The following GOLM2 variants were observed in gnomAD, a reference collection of about 807,000 sequenced individuals.
GOLM2 encodes the protein golgi membrane protein 2.
GOLM2 carries 26 observed loss-of-function variants against 55.9 expected under a neutral mutation model. The observed-to-expected ratio is 0.47, with a 90% confidence interval of 0.34 to 0.65. GOLM2 has a LOEUF of 0.65. Among genes scored for constraint, GOLM2 ranks in the 30% least tolerant of loss-of-function variants. The pLI is 0.01. For missense variants in GOLM2, 486 were observed against 531.8 expected, an observed-to-expected ratio of 0.91 and a Z score of 0.85; for synonymous variants, 165 against 194.6, an observed-to-expected ratio of 0.85 and a Z score of 1.27.
intron 9 of GOLM2, among the ~76,000 whole-genome samples, chr15:44,403,349 AC>A (rs1412267211): frequency 3.3e-5 from 5 of 151,888 alleles, no homozygotes; most frequent in Admixed American, 1.3e-4. Context: ...TTTAGTAGAG[AC>A]GGGGTTTCTC....
intron 8 of GOLM2, among the ~76,000 whole-genome samples, chr15:44,395,344 T>C (rs1028545140): frequency 6.6e-6 from 1 of 151,930 alleles, no homozygotes; most frequent in African/African-American, 2.4e-5. Flanking sequence ...AGTTGAGAAA[T>C]TGAAACCCGT....
In GOLM2 at chr15:44,314,490, C is replaced by T. The variant is rs543407814; in HGVS notation, c.328-8475C>T. ...GGGAGAATTGCTTGAACCTGGGAGG[C>T]GGAGGTTGCAGTGAGCCAAGATCGC... On this transcript the variant is annotated intron_variant, in intron 1 of 9. Transcript: ENST00000299957. 2.4e-3 allele frequency among the ~76,000 whole-genome samples: 355 copies of T among 149,214 alleles called. 1 individual carries two copies. The highest frequency in any genetic ancestry group is 7.4e-3 in the Admixed American group (110 of 14,810).
intron 6 of GOLM2, among the ~76,000 whole-genome samples, chr15:44,340,803 A>T (rs563032762): frequency 5.3e-5 from 8 of 152,238 alleles, no homozygotes; most frequent in African/African-American, 1.9e-4. Flanking sequence ...TATTCTTCCA[A>T]ATTTTTGTAG....
intron 6 of GOLM2, among the ~76,000 whole-genome samples, chr15:44,366,146 A>T (rs549915503): frequency 6.6e-6 from 1 of 152,092 alleles, no homozygotes; most frequent in Admixed American, 6.5e-5. Flanking sequence ...AAATACAAAA[A>T]ATTAGCTGGG....
chr15:44,327,892 A>G (rs2078995524), intron 2 of GOLM2, among the ~76,000 whole-genome samples: 8 of 152,356 alleles, frequency 5.3e-5, no homozygotes, highest in Admixed American at 4.6e-4. Flanking sequence ...TGAGCTTTGA[A>G]AATGGAATTT....
chr15:44,370,770 C>T (rs907157881), intron 6 of GOLM2, among the ~76,000 whole-genome samples: 2 of 152,120 alleles, frequency 1.3e-5, no homozygotes, highest in African/African-American at 2.4e-5. Flanking sequence ...AAGCTCTCCT[C>T]CCACCTTTGC....
At chr15:44,299,332 G>A (rs890305691) in intron 1 of GOLM2, among the ~76,000 whole-genome samples, 6 of 149,864 alleles carry the variant, frequency 4.0e-5, no homozygotes, top group Middle Eastern at 7.0e-3. Context: ...TCGCTCTGTC[G>A]CCCAGGCTGG....
chr15:44,403,209 C>T (rs962581003), intron 9 of GOLM2, 155 bp downstream of exon 9: 6 of 793,522 alleles, frequency 7.6e-6, no homozygotes, highest in Non-Finnish European at 1.2e-5. Flanking sequence ...GTTGCCCAGG[C>T]TGGAGTCCAA....
chr15:44,318,390 T>C (rs1313264073), intron 1 of GOLM2, among the ~76,000 whole-genome samples: 1 of 152,220 alleles, frequency 6.6e-6, no homozygotes, highest in Non-Finnish European at 1.5e-5. Flanking sequence ...ACTCTTCATG[T>C]TGCAGCCAGA....
chr15:44,313,587 C>T (rs1209207945), intron 1 of GOLM2, among the ~76,000 whole-genome samples: 5 of 152,176 alleles, frequency 3.3e-5, no homozygotes, highest in Admixed American at 6.5e-5. Context: ...ATCCTTTATC[C>T]AGACTTCTCT....
intron 6 of GOLM2, among the ~76,000 whole-genome samples, chr15:44,339,522 A>G (rs1279328489): frequency 6.6e-6 from 1 of 151,710 alleles, no homozygotes; most frequent in African/African-American, 2.4e-5. Context: ...TATTTTCAGT[A>G]GAGACGAGGT....
intron 1 of GOLM2, chr15:44,308,633 C>G (rs1276922836): frequency 1.3e-5 from 2 of 151,958 alleles, no homozygotes; most frequent in African/African-American, 4.8e-5. Context: ...GACAAGGTCT[C>G]TTTCTGTCAC....
chr15:44,301,181 A>C (rs2078795034), intron 1 of GOLM2, among the ~76,000 whole-genome samples: 1 of 152,136 alleles, frequency 6.6e-6, no homozygotes. Context: ...CCTGGCCTCA[A>C]GTGATCCTCC....
chr15:44,349,345 C>A lies in GOLM2; in HGVS notation c.802+11028C>A, dbSNP rs145430936. Among the ~76,000 whole-genome samples, 215 of 150,328 alleles carry A rather than the reference C, an allele frequency of 1.4e-3. 1 individual carries two copies. The highest frequency in any genetic ancestry group is 5.2e-3 in the African/African-American group (212 of 40,928). ...TGCAAGTAGAAACCAAAAAAAAGAG[C>A]AGAAGTAGCTATGCTTAAACAAAAT... On this transcript the variant is annotated intron_variant, in intron 6 of 9. Transcript: ENST00000299957.
intron 1 of GOLM2, among the ~76,000 whole-genome samples, chr15:44,306,772 G>A (rs1160842433): frequency 6.6e-6 from 1 of 152,210 alleles, no homozygotes; most frequent in Non-Finnish European, 1.5e-5. Context: ...GAGAGGAAGA[G>A]AGATGGGGGA....
chr15:44,320,571 C>T (rs1351004813), intron 1 of GOLM2, among the ~76,000 whole-genome samples: 2 of 152,170 alleles, frequency 1.3e-5, no homozygotes, highest in African/African-American at 4.8e-5. Flanking sequence ...TTCCAAACTA[C>T]TGGGATTCTA....
At chr15:44,365,393 G>A (rs559930809) in intron 6 of GOLM2, among the ~76,000 whole-genome samples, 2 of 151,994 alleles carry the variant, frequency 1.3e-5, no homozygotes, top group African/African-American at 2.4e-5. Context: ...TGGGTGTGGT[G>A]GTGTGTGACT....
chr15:44,411,208 G>C lies in GOLM2; in HGVS notation c.1241-2128G>C, dbSNP rs1481147187. On this transcript the variant is annotated intron_variant, in intron 9 of 9. Coordinates refer to ENST00000299957, the MANE Select transcript of GOLM2 (RefSeq NM_138423.4). ...GGCTAAATTTTGTATTTTTAGTAGA[G>C]ACTGGGTTTCAGCATGTTGCCCAGG... Among the ~76,000 whole-genome samples, 4 of 151,606 alleles carry C rather than the reference G, an allele frequency of 2.6e-5. No homozygotes were observed. The East Asian group carries it at 7.8e-4, about 30-fold the overall frequency.
At chr15:44,318,849 T>G (rs1405401611) in intron 1 of GOLM2, among the ~76,000 whole-genome samples, 6 of 152,190 alleles carry the variant, frequency 3.9e-5, no homozygotes, top group Non-Finnish European at 1.5e-5. Context: ...TTTCTAGCCA[T>G]ATTTCTTACC....
Sources: allele counts gnomAD v4.1 joint callset (sites outside exome capture counted in the v4.1 genomes callset), GRCh38; gene constraint gnomAD v4.1.1; transcripts MANE v1.5; gene names NCBI Gene and HGNC (gene_info 2026-07-23, HGNC 2026-07-21).